The following CNTN5 variants were observed in gnomAD, a reference collection of about 807,000 sequenced individuals.
CNTN5 encodes contactin 5.
Under a neutral mutation model 129.1 loss-of-function variants are expected in CNTN5, and 77 were observed. The observed-to-expected ratio is 0.60, with a 90% CI of 0.50 to 0.72. The LOEUF (loss-of-function observed/expected upper bound fraction) is 0.72, where lower values mean the gene tolerates loss of function less well. CNTN5 is among the 30% of genes least tolerant of loss of function. The pLI is 0.00. For synonymous variants in CNTN5, 509 were observed against 465.6 expected (o/e 1.09, Z -1.20); for missense variants, 1,478 against 1,328.8 (o/e 1.11, Z -1.75).
chr11:100,319,412 G>A (rs1170856736), intron 21 of CNTN5, among the ~76,000 whole-genome samples: 1 of 151,946 alleles, frequency 6.6e-6, no homozygotes, highest in Non-Finnish European at 1.5e-5. Context: ...CTCAGCCTCT[G>A]AAAGTGCTGG....
At chr11:99,894,046 T>C (rs982803183) in intron 6 of CNTN5, among the ~76,000 whole-genome samples, 1 of 152,154 alleles carries the variant, frequency 6.6e-6, no homozygotes, top group Admixed American at 6.5e-5. Flanking sequence ...TGCCAGCTGG[T>C]GGCATTCTTT....
chr11:99,759,849 T>C (rs1648579798), intron 3 of CNTN5, among the ~76,000 whole-genome samples: 1 of 152,058 alleles, frequency 6.6e-6, no homozygotes, highest in Non-Finnish European at 1.5e-5. Flanking sequence ...ATTGGTTGGC[T>C]ATTGGAACAT....
At chr11:99,554,206 G>A (rs1948594482) in intron 2 of CNTN5, among the ~76,000 whole-genome samples, 1 of 151,942 alleles carries the variant, frequency 6.6e-6, no homozygotes, top group African/African-American at 2.4e-5. Context: ...CTATCCTCCG[G>A]TCACAGGTTG....
chr11:99,558,323 G>T, intron 3 of CNTN5: 1 of 388,040 alleles, frequency 2.6e-6, no homozygotes, highest in South Asian at 1.9e-5. Context: ...GTTGCAAGAT[G>T]AAATAAAGGA....
rs555510914 is a variant in CNTN5 at position 99,501,654 on chromosome 11, G to A, written c.-70-54491G>A. 7.9e-5 allele frequency among the ~76,000 whole-genome samples: 12 copies of A among 152,066 alleles called. No homozygotes were observed. In the South Asian group the frequency reaches 1.0e-3, roughly 13 times the overall value. ...GTAAAAGATATTTTTGTTATTAGTGGAATCAGTGATTCAACCATTCATTCA... is the reference window on the plus strand; with the variant it reads ...GTAAAAGATATTTTTGTTATTAGTGAAATCAGTGATTCAACCATTCATTCA... On this transcript the variant is annotated intron_variant, in intron 2 of 24. Coordinates refer to ENST00000524871, the MANE Select transcript of CNTN5 (RefSeq NM_014361.4).
intron 16 of CNTN5, among the ~76,000 whole-genome samples, chr11:100,233,102 C>A (rs1949528263): frequency 6.6e-6 from 1 of 152,120 alleles, no homozygotes; most frequent in Admixed American, 6.5e-5. Context: ...AGACTCCAGG[C>A]AGACCAGCAT....
chr11:99,461,845 T>C (rs759757819), intron 2 of CNTN5, among the ~76,000 whole-genome samples: 7 of 152,196 alleles, frequency 4.6e-5, no homozygotes, highest in Non-Finnish European at 1.0e-4. Context: ...GAATTTAAAA[T>C]AGAATTGTGT....
chr11:99,893,073 G>A (rs929081430), intron 6 of CNTN5, among the ~76,000 whole-genome samples: 1 of 151,468 alleles, frequency 6.6e-6, no homozygotes, highest in Non-Finnish European at 1.5e-5. Context: ...TTCCAGGAAA[G>A]ATTGAGGACT....
At chr11:99,338,733 T>C (rs1465622410) in intron 2 of CNTN5, among the ~76,000 whole-genome samples, 6 of 151,840 alleles carry the variant, frequency 4.0e-5, no homozygotes. Flanking sequence ...TATTGGTATT[T>C]TCTCTATTTG....
At chr11:99,710,326 T>C (rs1954921659) in intron 3 of CNTN5, among the ~76,000 whole-genome samples, 1 of 151,800 alleles carries the variant, frequency 6.6e-6, no homozygotes, top group South Asian at 2.1e-4. Context: ...CACTCCAGGA[T>C]ATAAGTGAAT....
At chr11:99,427,493 G>A (rs565345182) in intron 2 of CNTN5, among the ~76,000 whole-genome samples, 65 of 152,180 alleles carry the variant, frequency 4.3e-4, no homozygotes, top group Admixed American at 1.0e-3. Flanking sequence ...TGGGCCTGGC[G>A]CGGTGGCTCA....
At chr11:100,121,430 G>T (rs1355307891) in intron 13 of CNTN5, among the ~76,000 whole-genome samples, 1 of 151,718 alleles carries the variant, frequency 6.6e-6, no homozygotes, top group African/African-American at 2.4e-5. Flanking sequence ...TCTTTGGTGT[G>T]ACCAGACTGT....
At chr11:99,992,601 A>G (rs1010709530) in intron 8 of CNTN5, among the ~76,000 whole-genome samples, 20 of 152,216 alleles carry the variant, frequency 1.3e-4, no homozygotes, top group African/African-American at 4.3e-4. Context: ...AATATTCATC[A>G]TCAGGCTTAG....
chr11:99,832,626 C>A (rs1401018558), intron 4 of CNTN5, among the ~76,000 whole-genome samples: 1 of 152,128 alleles, frequency 6.6e-6, no homozygotes, highest in Non-Finnish European at 1.5e-5. Context: ...AAGATTTGGA[C>A]AATTTTTTTA....
chr11:100,237,890 T>C (rs1949655063), intron 16 of CNTN5, among the ~76,000 whole-genome samples: 1 of 152,174 alleles, frequency 6.6e-6, no homozygotes, highest in Non-Finnish European at 1.5e-5. Context: ...TCAGTAAATT[T>C]ACCTTTAGAA....
At chr11:100,193,864 A>C (rs1948565360) in intron 15 of CNTN5, among the ~76,000 whole-genome samples, 1 of 151,910 alleles carries the variant, frequency 6.6e-6, no homozygotes, top group African/African-American at 2.4e-5. Flanking sequence ...CCAGTAAAAA[A>C]CTGAGAATAC....
chr11:99,190,771 A>AT (rs1315134145), intron 1 of CNTN5, among the ~76,000 whole-genome samples: 3 of 150,750 alleles, frequency 2.0e-5, no homozygotes, highest in Non-Finnish European at 3.0e-5. Context: ...TGTTACTTTT[A>AT]TTTTTTTGGT....
intron 1 of CNTN5, among the ~76,000 whole-genome samples, chr11:99,130,565 TAAC>T (rs1858881907): frequency 6.6e-6 from 1 of 152,104 alleles, no homozygotes; most frequent in Admixed American, 6.6e-5. Context: ...AACAGAAAAT[TAAC>T]AAAGATAATC....
chr11:99,170,662 C>T (rs901543195), intron 1 of CNTN5, among the ~76,000 whole-genome samples: 3 of 152,102 alleles, frequency 2.0e-5, no homozygotes, highest in Admixed American at 6.6e-5. Context: ...AGAACAGAAG[C>T]ATTTTTTTGT....
Sources: allele counts gnomAD v4.1 joint callset (sites outside exome capture counted in the v4.1 genomes callset), GRCh38; gene constraint gnomAD v4.1.1; transcripts MANE v1.5; gene names NCBI Gene and HGNC (gene_info 2026-07-23, HGNC 2026-07-21).